CPED1: variants seen among roughly 807,000 people sequenced by gnomAD.
CPED1 encodes cadherin-like and PC-esterase domain-containing protein 1.
In CPED1, 114 loss-of-function variants were observed where a neutral mutation model predicts 128.2. The ratio of observed to expected loss-of-function variants is 0.89; its 90% CI spans 0.76 to 1.04. The LOEUF is 1.04. Among genes scored for constraint, CPED1 ranks in the 50% least tolerant of loss-of-function variants. The probability of loss-of-function intolerance (pLI) is 0.00; values close to 1 mark genes in which losing one functional copy is unlikely to be tolerated. For synonymous variants in CPED1, 462 were observed against 426.7 expected (o/e 1.08, Z -1.02); for missense variants, 1,211 against 1,207.1 (o/e 1.00, Z -0.05).
At chr7:121,289,847 T>A (rs1792656512) in intron 22 of CPED1, among the ~76,000 whole-genome samples, 1 of 152,226 alleles carries the variant, frequency 6.6e-6, no homozygotes, top group African/African-American at 2.4e-5. Context: ...GGGATACATA[T>A]GCAGAACATG....
intron 11 of CPED1, among the ~76,000 whole-genome samples, chr7:121,129,289 ATATATATATATATATATATATACG>A (rs202136512): frequency 0.51 from 47,549 of 92,686 alleles, 9,275 homozygotes; most frequent in East Asian, 0.76. Context: ...GTATATATGT[ATATATATATATATATATATATACG>A]TATATATATA....
At chr7:120,994,787 C>A (rs576936124) in intron 2 of CPED1, among the ~76,000 whole-genome samples, 2 of 152,142 alleles carry the variant, frequency 1.3e-5, no homozygotes, top group Non-Finnish European at 1.5e-5. Context: ...AACAGAGAAT[C>A]CCTGAAGAAT....
At chr7:121,164,252 C>A (rs964542501) in intron 16 of CPED1, among the ~76,000 whole-genome samples, 1 of 152,198 alleles carries the variant, frequency 6.6e-6, no homozygotes, top group African/African-American at 2.4e-5. Flanking sequence ...CAATTTGCCA[C>A]CCAATTCCTC....
chr7:121,067,136 T>G (rs1188263063), intron 5 of CPED1, among the ~76,000 whole-genome samples: 1 of 151,924 alleles, frequency 6.6e-6, no homozygotes, highest in African/African-American at 2.4e-5. Flanking sequence ...TTATATACTT[T>G]AAGTTTTAGG....
At chr7:120,989,898 C>A in intron 2 of CPED1, 28 bp downstream of exon 2, 1 of 1,611,466 alleles carries the variant, frequency 6.2e-7, no homozygotes, top group Non-Finnish European at 8.5e-7. Flanking sequence ...TTAACGGAGA[C>A]AGTTTCTGCA....
At chr7:121,258,177 A>C (rs1051348265) in intron 18 of CPED1, among the ~76,000 whole-genome samples, 3 of 152,078 alleles carry the variant, frequency 2.0e-5, no homozygotes, top group Non-Finnish European at 4.4e-5. Context: ...ACCACAGAGT[A>C]GAGTCCAGCT....
chr7:121,269,231 C>T (rs574900765), intron 21 of CPED1, among the ~76,000 whole-genome samples: 1 of 152,140 alleles, frequency 6.6e-6, no homozygotes, highest in Admixed American at 6.5e-5. Flanking sequence ...ATTCAGCTCC[C>T]ACTCATAAGT....
At chr7:121,209,062 A>G (rs1299412396) in intron 16 of CPED1, among the ~76,000 whole-genome samples, 1 of 152,070 alleles carries the variant, frequency 6.6e-6, no homozygotes, top group Non-Finnish European at 1.5e-5. Context: ...TTGTTGTGCC[A>G]GATAGATGTC....
At chr7:121,000,567 A>G (rs1791822816) in intron 2 of CPED1, among the ~76,000 whole-genome samples, 1 of 152,168 alleles carries the variant, frequency 6.6e-6, no homozygotes, top group Non-Finnish European at 1.5e-5. Context: ...TCCTTGACAT[A>G]TAACTACCTT....
intron 22 of CPED1, among the ~76,000 whole-genome samples, chr7:121,295,098 G>A (rs915557187): frequency 8.0e-5 from 12 of 150,850 alleles, no homozygotes; most frequent in Non-Finnish European, 1.8e-4. Flanking sequence ...CTTTCCTATT[G>A]TAGTACTATG....
chr7:121,147,320 A>C (rs974047916), intron 16 of CPED1, among the ~76,000 whole-genome samples: 7 of 152,138 alleles, frequency 4.6e-5, no homozygotes, highest in Admixed American at 3.3e-4. Context: ...TAATTATTAC[A>C]ATCAGAAGCA....
chr7:121,246,308 A>G (rs887585478), intron 18 of CPED1, among the ~76,000 whole-genome samples: 6 of 152,208 alleles, frequency 3.9e-5, no homozygotes, highest in Non-Finnish European at 7.3e-5. Context: ...CAACTTTGTA[A>G]AAAGCTAAAG....
chr7:121,272,015 C>G lies in CPED1; in HGVS notation c.2868+585C>G, dbSNP rs148222226. 3.2e-3 allele frequency among the ~76,000 whole-genome samples: 484 copies of G among 152,200 alleles called. 3 individuals are homozygous for G. Among genetic ancestry groups the G allele is most frequent in the African/African-American group, 0.011 (440 of 41,554 alleles). ...GAACCTTCTGTGGATTACTTCCTCC[C>G]TAACCCTTGAATAAAAATCTTGGTC... On this transcript the variant is annotated intron_variant, in intron 22 of 22. Transcript: ENST00000310396.
intron 12 of CPED1, among the ~76,000 whole-genome samples, chr7:121,132,673 A>G (rs1795699770): frequency 6.6e-6 from 1 of 152,060 alleles, no homozygotes; most frequent in South Asian, 2.1e-4. Flanking sequence ...ACATTACTCT[A>G]AGGAAATGCT....
chr7:121,108,887 C>CT (rs1313938602), intron 7 of CPED1, among the ~76,000 whole-genome samples: 1 of 152,048 alleles, frequency 6.6e-6, no homozygotes, highest in Non-Finnish European at 1.5e-5. Flanking sequence ...AAGACCTAAA[C>CT]TTTTTTCCTT....
At chr7:121,096,660 A>G (rs1794705558) in intron 5 of CPED1, among the ~76,000 whole-genome samples, 1 of 152,198 alleles carries the variant, frequency 6.6e-6, no homozygotes, top group African/African-American at 2.4e-5. Flanking sequence ...CAAAAGAAAA[A>G]CATTACAAAA....
intron 5 of CPED1, among the ~76,000 whole-genome samples, chr7:121,085,002 T>A (rs937005267): frequency 1.3e-5 from 2 of 152,220 alleles, no homozygotes; most frequent in South Asian, 4.1e-4. Context: ...CGGCCCCAAA[T>A]GCTCCCTTTG....
chr7:121,116,979 C>T (rs35592934), intron 7 of CPED1, among the ~76,000 whole-genome samples: 5,310 of 60,292 alleles, frequency 0.088, 118 homozygotes, highest in East Asian at 0.42. Flanking sequence ...TATATATATA[C>T]ACACACACAC....
chr7:121,190,341 G>T (rs1034843129), intron 16 of CPED1, among the ~76,000 whole-genome samples: 1 of 144,344 alleles, frequency 6.9e-6, no homozygotes, highest in African/African-American at 2.6e-5. Flanking sequence ...GCAGTGAGCC[G>T]AGATCGCGCC....
Sources: gnomAD v4.1 joint callset for allele counts (sites outside exome capture counted in the v4.1 genomes callset) on GRCh38, gnomAD v4.1.1 for gene constraint, MANE v1.5 for transcripts, NCBI Gene and HGNC (gene_info 2026-07-23, HGNC 2026-07-21) for gene names.